IDO2: variants seen among roughly 807,000 people sequenced by gnomAD.
The protein encoded by IDO2 is indoleamine 2,3-dioxygenase-like 1 protein.
A neutral mutation model predicts 45.1 loss-of-function variants in IDO2; 46 were observed. That is an observed-to-expected ratio of 1.02 (90% CI 0.80 to 1.30). The LOEUF (loss-of-function observed/expected upper bound fraction) is 1.30, where lower values mean the gene tolerates loss of function less well. Ranked by LOEUF, IDO2 falls within the 50% of genes most tolerant of loss-of-function variation. The pLI is 0.00. For missense variants in IDO2, 544 were observed against 491.8 expected, an observed-to-expected ratio of 1.11 and a Z score of -1.00; for synonymous variants, 218 against 184.9, an observed-to-expected ratio of 1.18 and a Z score of -1.45.
chr8:39,936,734 A>G (rs766233360), intron 1 of IDO2, among the ~76,000 whole-genome samples: 4 of 152,244 alleles, frequency 2.6e-5, no homozygotes, highest in Non-Finnish European at 5.9e-5. Flanking sequence ...TTAGCATCCA[A>G]GATGGAGTTG....
intron 3 of IDO2, among the ~76,000 whole-genome samples, chr8:39,968,310 G>A (rs1340312789): frequency 1.3e-5 from 2 of 152,220 alleles, no homozygotes; most frequent in East Asian, 3.9e-4. Context: ...TTTAGAAAGG[G>A]CAAAACTAGA....
At position 39,985,462 on chromosome 8, in the gene IDO2, A is replaced by G. The variant is rs761960186; in HGVS notation, c.435-46A>G. On this transcript the variant is annotated intron_variant, in intron 5 of 10. Transcript: ENST00000502986. Reference sequence around the variant, plus strand: ...GGTTTACAAACTGAATTGTTCTTTTATTTTTTTTCTCTCTTGGTGGTCATC... The same window carrying G: ...GGTTTACAAACTGAATTGTTCTTTTGTTTTTTTTCTCTCTTGGTGGTCATC... The G allele has an allele frequency of 6.0e-6, 9 of 1,503,554 alleles. No individual in the cohort carries two copies. The South Asian group carries it at 1.1e-4, about 18-fold the overall frequency. 93.1% of individuals were successfully genotyped at this position (1,503,554 alleles called of 1,614,324 possible). A position where few individuals can be genotyped will look rare whatever the true frequency, so the allele number is the denominator to read the frequency against.
chr8:40,015,500 T>C lies in IDO2; in HGVS notation c.1122T>C (p.Pro374=), dbSNP rs749350659. 3 of 1,613,974 alleles carry C rather than the reference T, an allele frequency of 1.9e-6. No homozygotes were observed. The South Asian group carries it at 3.3e-5, about 18-fold the overall frequency. Reference sequence around the variant, plus strand: ...AGCCAAACCATCTCCCAGGGCCTCCTCAGGCTTTAAAAGACAGGGGCACAG... The same window carrying C: ...AGCCAAACCATCTCCCAGGGCCTCCCCAGGCTTTAAAAGACAGGGGCACAG... The change falls in exon 11 of 11, where the codon CCT becomes CCC. Residue 374 remains proline (P), a synonymous_variant. Coordinates refer to ENST00000502986, the Ensembl canonical transcript of IDO2.
exon 11 of IDO2, chr8:40,015,338 C>T (rs759542246): frequency 6.2e-7 from 1 of 1,613,644 alleles, no homozygotes; most frequent in Non-Finnish European, 8.5e-7. Flanking sequence ...TGAGGGACTA[C>T]ATCCTGTCAT....
At chr8:40,014,064 G>T (rs4445211) in intron 10 of IDO2, among the ~76,000 whole-genome samples, 2 of 152,132 alleles carry the variant, frequency 1.3e-5, no homozygotes, top group East Asian at 3.9e-4. Flanking sequence ...GCTGGAAACA[G>T]GTCTGGGATC....
At chr8:39,974,161 A>G (rs982516690) in intron 3 of IDO2, among the ~76,000 whole-genome samples, 1 of 152,234 alleles carries the variant, frequency 6.6e-6, no homozygotes, top group Non-Finnish European at 1.5e-5. Context: ...TTATAAAACC[A>G]TAGAAATTCT....
At chr8:39,982,149 T>C (rs57804443) in intron 4 of IDO2, among the ~76,000 whole-genome samples, 15,683 of 152,018 alleles carry the variant, frequency 0.1, 1,193 homozygotes, top group East Asian at 0.34. Flanking sequence ...CTATCATCTG[T>C]CTACTGATCT....
exon 4 of IDO2, chr8:39,979,113 G>C: frequency 6.2e-7 from 1 of 1,602,070 alleles, no homozygotes; most frequent in Non-Finnish European, 8.5e-7. Context: ...CGGGAGCAGC[G>C]CCTGGCCCAC....
rs1237143692 is a variant in IDO2 at position 39,983,586 on chromosome 8, G to A, written c.434+816G>A. On this transcript the variant is annotated intron_variant, in intron 5 of 10. Transcript: ENST00000502986. ...TAAGACTAATTTATGTGCCCCGGCC[G>A]GGCCCGGTGGCTCACCCCTGTAATC... 3.3e-5 allele frequency among the ~76,000 whole-genome samples: 5 copies of A among 152,142 alleles called. No individual in the cohort carries two copies. The East Asian group carries it at 7.7e-4, about 23-fold the overall frequency.
At chr8:39,985,357 G>A (rs1234121362) in intron 5 of IDO2, 151 bp from the exon 6 acceptor site, 4 of 657,030 alleles carry the variant, frequency 6.1e-6, no homozygotes. Context: ...AGTAAGTGTG[G>A]ATGTGTGTGT....
chr8:39,981,831 C>T (rs1365276833), intron 4 of IDO2, among the ~76,000 whole-genome samples: 1 of 152,168 alleles, frequency 6.6e-6, no homozygotes, highest in Non-Finnish European at 1.5e-5. Context: ...TGAATCTAGA[C>T]TCGTTCAGCC....
intron 7 of IDO2, among the ~76,000 whole-genome samples, chr8:39,988,632 T>C (rs772295654): frequency 1.7e-4 from 26 of 151,988 alleles, no homozygotes; most frequent in Non-Finnish European, 7.4e-5. Flanking sequence ...TTGGTCAGGC[T>C]GGCCTCGAAC....
In IDO2 at chr8:39,981,565, G is replaced by T. The variant is rs118098107; in HGVS notation, c.316-1087G>T. ...GGAGGCTCCCCACACCCACCACCCCGCCTCAGATCACCTTTCACTTTCTTT... is the reference window on the plus strand; with the variant it reads ...GGAGGCTCCCCACACCCACCACCCCTCCTCAGATCACCTTTCACTTTCTTT... On this transcript the variant is annotated intron_variant, in intron 4 of 10. Transcript: ENST00000502986. Among the ~76,000 whole-genome samples, 402 of 152,042 alleles carry T rather than the reference G, an allele frequency of 2.6e-3. 2 individuals carry two copies. Among genetic ancestry groups the T allele is most frequent in the Non-Finnish European group, 3.8e-3 (260 of 67,974 alleles).
chr8:39,957,674 C>T (rs916134963), intron 2 of IDO2, among the ~76,000 whole-genome samples: 1 of 152,136 alleles, frequency 6.6e-6, no homozygotes, highest in Non-Finnish European at 1.5e-5. Context: ...TCCTACAGGG[C>T]CCCTGTGATG....
chr8:39,943,836 G>A (rs1314695606), intron 1 of IDO2, among the ~76,000 whole-genome samples: 1 of 150,744 alleles, frequency 6.6e-6, no homozygotes, highest in Non-Finnish European at 1.5e-5. Context: ...AGACAAGCAC[G>A]CCAACTCTCA....
chr8:39,985,805 CTTTATCAAA>C (rs1379880878), intron 6 of IDO2: 1 of 329,356 alleles, frequency 3.0e-6, no homozygotes, highest in East Asian at 5.6e-5. Flanking sequence ...CAAAATGAAA[CTTTATCAAA>C]TTTCAGTAAC....
intron 7 of IDO2, among the ~76,000 whole-genome samples, chr8:39,989,434 A>T (rs1046186286): frequency 1.3e-5 from 2 of 151,992 alleles, no homozygotes; most frequent in African/African-American, 4.8e-5. Context: ...TAACGTGACA[A>T]ATCCGAGAGA....
chr8:39,989,816 C>G, exon 8 of IDO2: 1 of 1,598,624 alleles, frequency 6.3e-7, no homozygotes. Context: ...AGGACATCAC[C>G]AAAACCTTAG....
At chr8:39,956,540 G>C (rs1238351780) in intron 2 of IDO2, among the ~76,000 whole-genome samples, 1 of 151,860 alleles carries the variant, frequency 6.6e-6, no homozygotes, top group Non-Finnish European at 1.5e-5. Context: ...ATGAATTTTT[G>C]CAATTTCCCA....
Sources: gnomAD v4.1 joint callset for allele counts (sites outside exome capture counted in the v4.1 genomes callset) on GRCh38, gnomAD v4.1.1 for gene constraint, MANE v1.5 for transcripts, NCBI Gene and HGNC (gene_info 2026-07-23, HGNC 2026-07-21) for gene names.